TBX4: variants seen among roughly 807,000 people sequenced by gnomAD.
TBX4 encodes T-box transcription factor 4.
TBX4 carries 13 observed loss-of-function variants against 54.6 expected under a neutral mutation model. The observed-to-expected ratio is 0.24, with a 90% CI of 0.15 to 0.38. TBX4 has a LOEUF of 0.38. Ranked by LOEUF, TBX4 falls within the 10% of genes least tolerant of loss-of-function variation. The pLI, the probability that TBX4 is intolerant of heterozygous loss-of-function variation, is 1.00. For synonymous variants in TBX4, 314 were observed against 306.7 expected (o/e 1.02, Z -0.25); for missense variants, 631 against 728.5 (o/e 0.87, Z 1.54).
chr17:61,483,879 G>C lies in TBX4; in HGVS notation c.*363G>C. On this transcript the variant is annotated 3_prime_UTR_variant, in exon 9 of 9. Coordinates refer to ENST00000644296, the MANE Select transcript of TBX4 (RefSeq NM_001321120.2). The surrounding 1 kb of genome is among the most constrained non-coding windows in gnomAD (Gnocchi z 6.6). ...AATGGTTGATTTACTCAGGGGCCAG[G>C]TGGGGAGTTCTCTCCCATGGGGAAA... 6.9e-6 allele frequency: 2 copies of C among 288,258 alleles called. No individual in the cohort carries two copies. Among genetic ancestry groups the C allele is most frequent in the South Asian group, 7.4e-5 (2 of 27,014 alleles). 17.9% of individuals were successfully genotyped at this position (288,258 alleles called of 1,614,324 possible).
rs982698531 is a variant in TBX4, at chr17:61,459,404, G to T, written c.281+1773G>T. On this transcript the variant is annotated intron_variant, in intron 3 of 8. Transcript: ENST00000644296. This position sits in a 1 kb window ranked among gnomAD's most constrained non-coding sequence, Gnocchi z 4.8. ...GAAGGGGAATGGGGCTATTTCTTGTGCCTGCTAGTGTGGAAAGAAGGTAAG... is the reference window on the plus strand; with the variant it reads ...GAAGGGGAATGGGGCTATTTCTTGTTCCTGCTAGTGTGGAAAGAAGGTAAG... Among the ~76,000 whole-genome samples the T allele has an allele frequency of 6.6e-6, 1 of 152,226 alleles. No individual in the cohort carries two copies. Among genetic ancestry groups the T allele is most frequent in the African/African-American group, 2.4e-5 (1 of 41,458 alleles).
At position 61,465,668 on chromosome 17, in the gene TBX4, G is replaced by A. The variant is rs560135524; in HGVS notation, c.282-151G>A. On this transcript the variant is annotated intron_variant, in intron 3 of 8. Transcript: ENST00000644296. The surrounding 1 kb of genome is among the most constrained non-coding windows in gnomAD (Gnocchi z 4.9). ...GTGCAGCTCGGGCAGAGGGGGAAGT[G>A]AGTTGTGCAGGTCACACAGCTGTGA... The A allele has an allele frequency of 6.1e-6, 6 of 989,110 alleles. No individual in the cohort carries two copies. The South Asian group carries it at 8.2e-5, about 14-fold the overall frequency. 61.3% of individuals were successfully genotyped at this position (989,110 alleles called of 1,614,324 possible).
At position 61,481,055 on chromosome 17, in the gene TBX4, TC is replaced by T. The variant is rs1406240557; in HGVS notation, c.1021+739del. ...GACTTTTGCTTGCCTTCCGGAATGT[TC>T]CCTCAGCCCTGGTCCTAGGGACTAG... On this transcript the variant is annotated intron_variant, in intron 8 of 8. Coordinates refer to ENST00000644296, the MANE Select transcript of TBX4 (RefSeq NM_001321120.2). The surrounding 1 kb of genome is among the most constrained non-coding windows in gnomAD (Gnocchi z 4.8). 6.6e-6 allele frequency among the ~76,000 whole-genome samples: 1 copy of T among 152,192 alleles called. No individual in the cohort carries two copies. Among genetic ancestry groups the T allele is most frequent in the East Asian group, 1.9e-4 (1 of 5,196 alleles).
In TBX4 at chr17:61,479,885, C is replaced by G; in HGVS notation, c.707C>G (p.Thr236Ser). 1 of 1,614,174 alleles carries G rather than the reference C, an allele frequency of 6.2e-7. No homozygotes were observed. Among genetic ancestry groups the G allele is most frequent in the Non-Finnish European group, 8.5e-7 (1 of 1,180,028 alleles). ...CTATGTGTTTTCTCCCCACAGATCA[C>G]CCAGCTGAAAATTGAGAACAACCCT... The part of the protein sequence containing the change: ...SVTSYQNHKI[T>S]QLKIENNPFA... Residue 236 changes from threonine (T) to serine (S), a missense_variant, in exon 7 of 9, where the codon ACC (threonine) becomes AGC (serine). This residue lies in a region of TBX4 where 154 missense variants were observed against 238.6 expected (regional missense o/e 0.65). Transcript: ENST00000644296. The surrounding 1 kb of genome is among the most constrained non-coding windows in gnomAD (Gnocchi z 6.1).
Position 61,478,444 on chromosome 17 carries a change from G to A in TBX4, c.550-183G>A. On this transcript the variant is annotated intron_variant, in intron 5 of 8. Transcript: ENST00000644296. The surrounding 1 kb of genome is among the most constrained non-coding windows in gnomAD (Gnocchi z 7.4). ...AGAGAGGCTAAGTAGGGCTGGGGTG[G>A]GGAGAGTTTGGGGCCCAGGGGCCTG... 1 of 721,324 alleles carries A rather than the reference G, an allele frequency of 1.4e-6. No homozygotes were observed. 44.7% of individuals were successfully genotyped at this position (721,324 alleles called of 1,614,324 possible).
At position 61,482,908 on chromosome 17, in the gene TBX4, C is replaced by T. The variant is rs754364356; in HGVS notation, c.1033C>T (p.Arg345Cys). 119 of 1,613,524 alleles carry T rather than the reference C, an allele frequency of 7.4e-5. No homozygotes were observed. Among genetic ancestry groups the T allele is most frequent in the Non-Finnish European group, 9.5e-5 (112 of 1,179,868 alleles). ...HCLKRRADGTRHLDLPCKRSY... is the reference protein window; with the variant it reads ...HCLKRRADGTCHLDLPCKRSY... Reference sequence around the variant, plus strand: ...ACTTTGTCTTTCAGCAGACGGTACCCGCCACCTGGACTTACCTTGCAAGCG... The same window carrying T: ...ACTTTGTCTTTCAGCAGACGGTACCTGCCACCTGGACTTACCTTGCAAGCG... Residue 345 changes from arginine to cysteine, a missense_variant, in exon 9 of 9, where the codon CGC becomes TGC. Arg to Cys is a radical substitution (Grantham distance 180). Transcript: ENST00000644296.
At chr17:61,456,408 C>T (rs918948901) in intron 1 of TBX4, 80 bp from the exon 2 acceptor site, 11 of 1,526,708 alleles carry the variant, frequency 7.2e-6, no homozygotes, top group African/African-American at 2.8e-5. Context: ...CACGAAGTCC[C>T]GGAATCGGCT....
rs1491219179 is a variant in TBX4, at chr17:61,483,653, T to TGTGC, written c.*137_*138insGTGC. The stretch of plus-strand genomic sequence containing the variant: ...GTGTGTGTGTGTGTGTGTGTGTGTG[T>TGTGC]ATACACGAGCATGTATGTATTTGGA... On this transcript the variant is annotated 3_prime_UTR_variant, in exon 9 of 9. Transcript: ENST00000644296. This position sits in a 1 kb window ranked among gnomAD's most constrained non-coding sequence, Gnocchi z 6.6. 9 of 1,076,380 alleles carry TGTGC rather than the reference T, an allele frequency of 8.4e-6. No individual in the cohort carries two copies. The highest frequency in any genetic ancestry group is 1.2e-5 in the Non-Finnish European group (9 of 728,074). 66.7% of individuals were successfully genotyped at this position (1,076,380 alleles called of 1,614,324 possible).
Position 61,465,978 on chromosome 17 carries a change from T to C in TBX4, c.401+40T>C, listed in dbSNP as rs1198735462. 1.2e-6 allele frequency: 2 copies of C among 1,611,768 alleles called. No individual in the cohort carries two copies. Among genetic ancestry groups the C allele is most frequent in the African/African-American group, 2.7e-5 (2 of 74,876 alleles). On this transcript the variant is annotated intron_variant, in intron 4 of 8. Transcript: ENST00000644296. This position sits in a 1 kb window ranked among gnomAD's most constrained non-coding sequence, Gnocchi z 4.9. ...ACCGCATCACCCACGTTCCCTCAAC[T>C]GCCCACTTGCCACGCCCCCACCTAG...
At chr17:61,468,732 T>C (rs1477730391) in intron 5 of TBX4, among the ~76,000 whole-genome samples, 1 of 152,248 alleles carries the variant, frequency 6.6e-6, no homozygotes, top group African/African-American at 2.4e-5. Flanking sequence ...TGACTTATCT[T>C]ATCTGGTTTG....
rs755756182 is a variant in TBX4 at position 61,465,785 on chromosome 17, C to A, written c.282-34C>A. On this transcript the variant is annotated intron_variant, in intron 3 of 8. Transcript: ENST00000644296. This position sits in a 1 kb window ranked among gnomAD's most constrained non-coding sequence, Gnocchi z 4.9. ...TGTTCCATCTCTCCTGGTGCTCTGTCCACACGCTCCGCCTCACCCCTCGGC... is the reference window on the plus strand; with the variant it reads ...TGTTCCATCTCTCCTGGTGCTCTGTACACACGCTCCGCCTCACCCCTCGGC... 7.4e-6 allele frequency: 12 copies of A among 1,613,054 alleles called. No individual in the cohort carries two copies. The African/African-American group carries it at 1.5e-4, about 20-fold the overall frequency.
At chr17:61,453,382 G>A (rs1404280696) in intron 1 of TBX4, among the ~76,000 whole-genome samples, 1 of 152,008 alleles carries the variant, frequency 6.6e-6, no homozygotes, top group Non-Finnish European at 1.5e-5. Flanking sequence ...ACTATTAAGG[G>A]AAATACTATT....
rs1228459378 is a variant in TBX4 at position 61,480,147 on chromosome 17, G to C, written c.849G>C (p.Gln283His). 1.8e-5 allele frequency: 29 copies of C among 1,613,860 alleles called. No homozygotes were observed. Among genetic ancestry groups the C allele is most frequent in the Non-Finnish European group, 2.5e-5 (29 of 1,180,012 alleles). Reference protein sequence around the residue: ...SIMRQRLISPQLSATPDVGPL... With the variant: ...SIMRQRLISPHLSATPDVGPL... ...TGAGGCAGAGGCTCATCTCCCCCCA[G>C]CTCTCAGCCACACCGGACGTGGGCC... The change falls in exon 8 of 9, where the codon CAG becomes CAC. Residue 283 changes from glutamine (Q) to histidine (H), a missense_variant. Physicochemically the swap from Gln to His is conservative, Grantham distance 24. Coordinates refer to ENST00000644296, the MANE Select transcript of TBX4 (RefSeq NM_001321120.2). The surrounding 1 kb of genome is among the most constrained non-coding windows in gnomAD (Gnocchi z 6.2).
chr17:61,470,797 C>T (rs558430234), intron 5 of TBX4, among the ~76,000 whole-genome samples: 2 of 152,338 alleles, frequency 1.3e-5, no homozygotes, highest in African/African-American at 4.8e-5. Context: ...GCCACTACCT[C>T]CCACGCCCAG....
intron 5 of TBX4, among the ~76,000 whole-genome samples, chr17:61,470,644 C>T (rs1243539150): frequency 2.0e-5 from 3 of 152,180 alleles, no homozygotes; most frequent in Non-Finnish European, 4.4e-5. Context: ...GGCGTCAGCT[C>T]CAGTCCCGAG....
rs1162356088 is a variant in TBX4 at position 61,465,360 on chromosome 17, CG to C, written c.282-454del. Reference sequence around the variant, plus strand: ...GCTCATTATTTATGGAAGCAGCTGACGGGGGTTTCCGTCCCCCTATAACTGC... The same window carrying C: ...GCTCATTATTTATGGAAGCAGCTGACGGGGTTTCCGTCCCCCTATAACTGC... On this transcript the variant is annotated intron_variant, in intron 3 of 8. Coordinates refer to ENST00000644296, the MANE Select transcript of TBX4 (RefSeq NM_001321120.2). The surrounding 1 kb of genome is among the most constrained non-coding windows in gnomAD (Gnocchi z 4.9). Among the ~76,000 whole-genome samples, 1 of 152,182 alleles carries C rather than the reference CG, an allele frequency of 6.6e-6. No homozygotes were observed. Among genetic ancestry groups the C allele is most frequent in the Non-Finnish European group, 1.5e-5 (1 of 68,038 alleles).
At chr17:61,477,796 C>T (rs999674403) in intron 5 of TBX4, among the ~76,000 whole-genome samples, 1 of 151,910 alleles carries the variant, frequency 6.6e-6, no homozygotes, top group Non-Finnish European at 1.5e-5. Flanking sequence ...TAAAAATTAG[C>T]TGGGAATGAT....
intron 1 of TBX4, among the ~76,000 whole-genome samples, chr17:61,453,366 G>T (rs143687811): frequency 6.6e-6 from 1 of 152,086 alleles, no homozygotes; most frequent in Admixed American, 6.6e-5. Flanking sequence ...GATGAACAAT[G>T]AAAATACTAT....
Position 61,480,432 on chromosome 17 carries a change from G to A in TBX4, c.1021+113G>A. On this transcript the variant is annotated intron_variant, in intron 8 of 8. Transcript: ENST00000644296. This position sits in a 1 kb window ranked among gnomAD's most constrained non-coding sequence, Gnocchi z 6.2. Reference sequence around the variant, plus strand: ...ACACACACACACTCATCTCGTGCTTGTGTGGCCTGGGAGAGTGGGCCTGAA... The same window carrying A: ...ACACACACACACTCATCTCGTGCTTATGTGGCCTGGGAGAGTGGGCCTGAA... 1 of 996,922 alleles carries A rather than the reference G, an allele frequency of 1.0e-6. No individual in the cohort carries two copies. Among genetic ancestry groups the A allele is most frequent in the Non-Finnish European group, 1.5e-6 (1 of 657,262 alleles). 61.8% of individuals were successfully genotyped at this position (996,922 alleles called of 1,614,324 possible). A position where few individuals can be genotyped will look rare whatever the true frequency, so the allele number is the denominator to read the frequency against.
Sources: gnomAD v4.1 joint callset for allele counts (sites outside exome capture counted in the v4.1 genomes callset) on GRCh38, gnomAD v4.1.1 for gene constraint, gnomAD v4.1.1 regional missense constraint, Gnocchi (gnomAD v3.1) non-coding constraint, MANE v1.5 for transcripts, NCBI Gene and HGNC (gene_info 2026-07-23, HGNC 2026-07-21) for gene names.